RALYL: variants seen among roughly 807,000 people sequenced by gnomAD.
RALYL encodes the protein RNA-binding Raly-like protein.
RALYL carries 29 observed loss-of-function variants against 35.1 expected under a neutral mutation model. The observed-to-expected ratio is 0.83, with a 90% CI of 0.61 to 1.13. The LOEUF is 1.13. RALYL is among the 50% of genes most tolerant of loss of function. The pLI is 0.00. For synonymous variants in RALYL, 120 were observed against 127.6 expected, an observed-to-expected ratio of 0.94 and a Z score of 0.40; for missense variants, 359 against 360.4, an observed-to-expected ratio of 1.00 and a Z score of 0.03.
intron 1 of RALYL, among the ~76,000 whole-genome samples, chr8:84,199,361 T>C (rs1816265706): frequency 6.6e-6 from 1 of 152,188 alleles, no homozygotes; most frequent in South Asian, 2.1e-4. Context: ...TTCCTTCCTA[T>C]AGAGTTGTTT....
At chr8:84,669,220 T>C (rs1832703463) in intron 2 of RALYL, among the ~76,000 whole-genome samples, 1 of 152,210 alleles carries the variant, frequency 6.6e-6, no homozygotes, top group South Asian at 2.1e-4. Context: ...TGACTCTGTA[T>C]GTTAAACCAA....
intron 1 of RALYL, among the ~76,000 whole-genome samples, chr8:84,399,878 C>A (rs1285734528): frequency 1.3e-5 from 2 of 152,126 alleles, no homozygotes; most frequent in African/African-American, 4.8e-5. Flanking sequence ...GGTGTGGTGG[C>A]TCATGCCGTG....
chr8:84,230,498 A>G (rs1038424517), intron 1 of RALYL, among the ~76,000 whole-genome samples: 13 of 152,186 alleles, frequency 8.5e-5, no homozygotes, highest in African/African-American at 3.1e-4. Context: ...GAACAGGAGC[A>G]AATTTTGGTA....
chr8:84,550,289 A>G (rs1402025847), intron 2 of RALYL, among the ~76,000 whole-genome samples: 2 of 152,098 alleles, frequency 1.3e-5, no homozygotes, highest in Non-Finnish European at 2.9e-5. Context: ...TTCACAAGCT[A>G]TAAAAACTAG....
At chr8:84,464,467 G>T (rs1311531770) in intron 1 of RALYL, among the ~76,000 whole-genome samples, 19 of 151,182 alleles carry the variant, frequency 1.3e-4, no homozygotes, top group Non-Finnish European at 1.9e-4. Flanking sequence ...CAAAGGACAT[G>T]AACTCATCAT....
At chr8:84,318,252 C>A (rs1255560119) in intron 1 of RALYL, among the ~76,000 whole-genome samples, 1 of 152,188 alleles carries the variant, frequency 6.6e-6, no homozygotes, top group Non-Finnish European at 1.5e-5. Context: ...CTGGGCCCTG[C>A]TTTCCAACTT....
intron 4 of RALYL, among the ~76,000 whole-genome samples, chr8:84,845,737 G>C (rs1036619046): frequency 6.6e-6 from 1 of 151,876 alleles, no homozygotes; most frequent in Non-Finnish European, 1.5e-5. Flanking sequence ...TATCAAAAAG[G>C]GGATTTCCTA....
intron 2 of RALYL, among the ~76,000 whole-genome samples, chr8:84,640,613 C>T (rs1423246181): frequency 2.0e-5 from 3 of 151,778 alleles, no homozygotes; most frequent in East Asian, 3.9e-4. Context: ...TCTAGACCCT[C>T]GAGATAAAAT....
intron 8 of RALYL, among the ~76,000 whole-genome samples, chr8:84,915,139 A>G (rs1369298635): frequency 6.6e-6 from 1 of 152,044 alleles, no homozygotes. Context: ...TCCACCCACT[A>G]TAAGAATAAG....
At chr8:84,809,686 T>C (rs1825474156) in intron 4 of RALYL, among the ~76,000 whole-genome samples, 2 of 152,132 alleles carry the variant, frequency 1.3e-5, no homozygotes, top group South Asian at 4.1e-4. Context: ...TCAGGGTATC[T>C]AATTCTTCCT....
intron 1 of RALYL, among the ~76,000 whole-genome samples, chr8:84,208,489 G>A (rs1818624262): frequency 6.6e-6 from 1 of 152,084 alleles, no homozygotes; most frequent in African/African-American, 2.4e-5. Flanking sequence ...TTAGGTCTGT[G>A]ATGGTTCTTA....
intron 1 of RALYL, among the ~76,000 whole-genome samples, chr8:84,256,811 G>A (rs898756806): frequency 2.6e-5 from 4 of 152,198 alleles, no homozygotes; most frequent in East Asian, 1.9e-4. Flanking sequence ...GAAGTAGAAA[G>A]AGGTTAAGTA....
At chr8:84,515,692 T>G (rs2058005294) in intron 1 of RALYL, among the ~76,000 whole-genome samples, 1 of 152,154 alleles carries the variant, frequency 6.6e-6, no homozygotes, top group South Asian at 2.1e-4. Flanking sequence ...CATCTTTGCA[T>G]GTATAGTACA....
chr8:84,911,271 A>G (rs1847467934), intron 8 of RALYL, among the ~76,000 whole-genome samples: 1 of 152,120 alleles, frequency 6.6e-6, no homozygotes, highest in South Asian at 2.1e-4. Flanking sequence ...AGATTCAGCC[A>G]TATCACTAAT....
At chr8:84,920,614 T>A (rs1293706739) in intron 8 of RALYL, among the ~76,000 whole-genome samples, 1 of 152,026 alleles carries the variant, frequency 6.6e-6, no homozygotes, top group African/African-American at 2.4e-5. Flanking sequence ...CTCCTTTGAC[T>A]TGGACAAGAG....
chr8:84,446,140 T>A (rs1046053413), intron 1 of RALYL, among the ~76,000 whole-genome samples: 2 of 152,044 alleles, frequency 1.3e-5, no homozygotes, highest in Non-Finnish European at 2.9e-5. Flanking sequence ...CTGTGTTTGA[T>A]ATGTGTGCTT....
intron 1 of RALYL, among the ~76,000 whole-genome samples, chr8:84,186,861 C>T (rs936345944): frequency 6.6e-5 from 10 of 152,112 alleles, no homozygotes; most frequent in Non-Finnish European, 1.2e-4. Flanking sequence ...AATTCTACAA[C>T]TCTTAAACTG....
intron 2 of RALYL, among the ~76,000 whole-genome samples, chr8:84,670,255 G>A (rs1433697955): frequency 6.6e-6 from 1 of 152,090 alleles, no homozygotes; most frequent in Non-Finnish European, 1.5e-5. Context: ...GGACTTCAAA[G>A]CTCTTTTGTT....
chr8:84,697,036 A>G (rs886720533), intron 2 of RALYL, among the ~76,000 whole-genome samples: 5 of 152,030 alleles, frequency 3.3e-5, no homozygotes, highest in African/African-American at 1.2e-4. Context: ...TAGTGTAATT[A>G]TAACTAAATA....
Sources: allele counts gnomAD v4.1 joint callset (sites outside exome capture counted in the v4.1 genomes callset), GRCh38; gene constraint gnomAD v4.1.1; transcripts MANE v1.5; gene names NCBI Gene and HGNC (gene_info 2026-07-23, HGNC 2026-07-21).